The following VPS13D variants were observed in gnomAD, a reference collection of about 807,000 sequenced individuals.
VPS13D encodes intermembrane lipid transfer protein VPS13D.
Under a neutral mutation model 461.9 loss-of-function variants are expected in VPS13D, and 187 were observed. That is an observed-to-expected ratio of 0.40 (90% CI 0.36 to 0.46). The LOEUF (loss-of-function observed/expected upper bound fraction) is 0.46, where lower values mean the gene tolerates loss of function less well. Ranked by LOEUF, VPS13D falls within the 20% of genes least tolerant of loss-of-function variation. The pLI is 0.60. For missense variants in VPS13D, 4,711 were observed against 5,364.9 expected (o/e 0.88, Z 3.81); for synonymous variants, 1,951 against 1,986.3 (o/e 0.98, Z 0.47).
rs761614552 is a variant in VPS13D at position 12,373,821 on chromosome 1, T to C, written c.10880T>C (p.Val3627Ala). ...ACCTGTGCGGAGCTCGTTTTGGATG[T>C]CTCACCCAAGACACAAAGAGTCATT... ...AITCAELVLD[V>A]SPKTQRVILK... Residue 3627 changes from valine (V) to alanine (A), a missense_variant, in exon 55 of 70, where the codon GTC becomes GCC. This residue lies in a region of VPS13D where 4,411 missense variants were observed against 4,937.8 expected (regional missense o/e 0.89). Transcript: ENST00000620676. 1 of 1,607,072 alleles carries C rather than the reference T, an allele frequency of 6.2e-7. No individual in the cohort carries two copies. Among genetic ancestry groups the C allele is most frequent in the Non-Finnish European group, 8.5e-7 (1 of 1,176,594 alleles).
chr1:12,255,506 G>GT (rs1258725794), intron 7 of VPS13D, among the ~76,000 whole-genome samples: 1 of 152,116 alleles, frequency 6.6e-6, no homozygotes, highest in Non-Finnish European at 1.5e-5. Flanking sequence ...CTCTGAGGAG[G>GT]TAAGTGGGTG....
intron 1 of VPS13D, among the ~76,000 whole-genome samples, chr1:12,230,773 A>G (rs1168980384): frequency 1.3e-5 from 2 of 149,622 alleles, no homozygotes; most frequent in Non-Finnish European, 3.0e-5. Context: ...ACCTCTCTTT[A>G]CCTTTTACCC....
At chr1:12,498,370 T>C (rs1462582222) in intron 68 of VPS13D, among the ~76,000 whole-genome samples, 1 of 152,154 alleles carries the variant, frequency 6.6e-6, no homozygotes, top group Non-Finnish European at 1.5e-5. Context: ...TGGGTGTTTT[T>C]CGGTGGGTGG....
intron 26 of VPS13D, among the ~76,000 whole-genome samples, chr1:12,308,175 T>C (rs1227840186): frequency 6.6e-6 from 1 of 152,122 alleles, no homozygotes. Flanking sequence ...ACCGTAGAAC[T>C]GTGACGCGGT....
chr1:12,477,256 G>A (rs1005075435), intron 67 of VPS13D, among the ~76,000 whole-genome samples: 3 of 146,438 alleles, frequency 2.0e-5, no homozygotes, highest in African/African-American at 8.1e-5. Flanking sequence ...TTTGGTTTTG[G>A]ATTTTTTCTC....
intron 67 of VPS13D, chr1:12,479,008 C>T: frequency 2.4e-6 from 1 of 411,646 alleles, no homozygotes; most frequent in South Asian, 1.7e-5. Context: ...TAAAACAGAG[C>T]AGGTGGAAGG....
chr1:12,501,391 C>T (rs532648175), intron 68 of VPS13D, among the ~76,000 whole-genome samples: 1 of 152,332 alleles, frequency 6.6e-6, no homozygotes, highest in African/African-American at 2.4e-5. Flanking sequence ...ACTGTTGACA[C>T]TTACAGAATT....
In VPS13D at chr1:12,273,051, G is replaced by A; in HGVS notation, c.2152G>A (p.Val718Met). ...TVRLDISAPQ[V>M]IFPDDFKFKN... The stretch of plus-strand genomic sequence containing the variant: ...GCGGCTGGATATTTCTGCCCCTCAG[G>A]TGATATTTCCTGATGATTTCAAATT... Residue 718 changes from valine (V) to methionine (M), a missense_variant, in exon 18 of 70, where the codon GTG becomes ATG. Physicochemically the swap from Val to Met is conservative, Grantham distance 21. This residue lies in a region of VPS13D where 4,411 missense variants were observed against 4,937.8 expected (regional missense o/e 0.89). Transcript: ENST00000620676. The A allele has an allele frequency of 3.1e-6, 5 of 1,614,070 alleles. No individual in the cohort carries two copies. Among genetic ancestry groups the A allele is most frequent in the Non-Finnish European group, 4.2e-6 (5 of 1,179,992 alleles).
At chr1:12,406,508 G>C (rs1030543683) in intron 63 of VPS13D, among the ~76,000 whole-genome samples, 1 of 152,166 alleles carries the variant, frequency 6.6e-6, no homozygotes, top group Non-Finnish European at 1.5e-5. Flanking sequence ...AAATCTCAGA[G>C]GGAAGTCTCT....
intron 67 of VPS13D, among the ~76,000 whole-genome samples, chr1:12,485,982 A>G (rs1645791972): frequency 6.6e-6 from 1 of 151,978 alleles, no homozygotes; most frequent in African/African-American, 2.4e-5. Context: ...GCACCATTGA[A>G]CCCAGTCCCC....
intron 67 of VPS13D, chr1:12,465,126 C>G (rs1313111439): frequency 2.0e-5 from 3 of 152,192 alleles, no homozygotes; most frequent in Non-Finnish European, 4.4e-5. Flanking sequence ...CCGGGAGCAG[C>G]CATTTCACAA....
chr1:12,236,048 T>G (rs1019579863), intron 2 of VPS13D, among the ~76,000 whole-genome samples: 4 of 152,252 alleles, frequency 2.6e-5, no homozygotes, highest in Non-Finnish European at 5.9e-5. Context: ...GAATGTATCT[T>G]GTAACAACTG....
Position 12,327,744 on chromosome 1 carries a change from T to C in VPS13D, c.8087T>C (p.Val2696Ala). The C allele has an allele frequency of 3.1e-6, 5 of 1,614,174 alleles. No homozygotes were observed. Among genetic ancestry groups the C allele is most frequent in the Non-Finnish European group, 4.2e-6 (5 of 1,180,014 alleles). ...ASTSRDSPGA[V>A]AAPLISGVEI... ...ACCAGCCGAGATAGCCCAGGGGCTGTGGCAGCGCCATTGATCTCTGGCGTG... is the reference window on the plus strand; with the variant it reads ...ACCAGCCGAGATAGCCCAGGGGCTGCGGCAGCGCCATTGATCTCTGGCGTG... The change falls in exon 36 of 70, where the codon GTG (valine) becomes GCG (alanine). Residue 2696 changes from valine to alanine, a missense_variant. Transcript: ENST00000620676.
Position 12,368,594 on chromosome 1 carries a change from A to T in VPS13D, c.10572+3A>T. The T allele has an allele frequency of 1.9e-6, 3 of 1,611,628 alleles. No homozygotes were observed. Among genetic ancestry groups the T allele is most frequent in the Non-Finnish European group, 2.5e-6 (3 of 1,178,698 alleles). On this transcript the variant is annotated splice_donor_region_variant and intron_variant, in intron 53 of 69. Coordinates refer to ENST00000620676, the MANE Select transcript of VPS13D (RefSeq NM_015378.4). ...TCCGAATTGACAACTTTTCTAAGGT[A>T]TCAAGTGGAGCTGAGAGCCAGTTTG...
At position 12,457,572 on chromosome 1, in the gene VPS13D, T is replaced by C. The variant is rs368923624; in HGVS notation, c.12466+1442T>C. ...AATTAAACTCTTTGTACCAGATCCT[T>C]AGGAACCATCCAAAGCTATCAGAGT... On this transcript the variant is annotated intron_variant, in intron 66 of 69. Coordinates refer to ENST00000620676, the MANE Select transcript of VPS13D (RefSeq NM_015378.4). 1.7e-3 allele frequency among the ~76,000 whole-genome samples: 253 copies of C among 152,328 alleles called. 4 individuals are homozygous for C. Among genetic ancestry groups the C allele is most frequent in the African/African-American group, 5.9e-3 (245 of 41,558 alleles).
intron 27 of VPS13D, among the ~76,000 whole-genome samples, chr1:12,310,500 C>G (rs959156423): frequency 1.1e-4 from 16 of 152,158 alleles, no homozygotes; most frequent in African/African-American, 3.1e-4. Flanking sequence ...GCCCCTCCCC[C>G]TCTTCAACTT....
At chr1:12,466,199 G>C (rs1645481307) in intron 67 of VPS13D, among the ~76,000 whole-genome samples, 1 of 151,634 alleles carries the variant, frequency 6.6e-6, no homozygotes, top group African/African-American at 2.4e-5. Flanking sequence ...TTTCATCCTA[G>C]CTGGGTAATA....
intron 65 of VPS13D, among the ~76,000 whole-genome samples, chr1:12,446,594 G>A (rs567471477): frequency 2.0e-5 from 3 of 151,942 alleles, no homozygotes; most frequent in Admixed American, 1.3e-4. Flanking sequence ...CCCTATATTT[G>A]TATCTCCATA....
At chr1:12,347,341 G>T (rs1298035501) in intron 44 of VPS13D, among the ~76,000 whole-genome samples, 1 of 151,940 alleles carries the variant, frequency 6.6e-6, no homozygotes, top group Non-Finnish European at 1.5e-5. Flanking sequence ...CGGCTAATTT[G>T]TTGTATTTTT....
Sources: allele counts gnomAD v4.1 joint callset (sites outside exome capture counted in the v4.1 genomes callset), GRCh38; gene constraint gnomAD v4.1.1; regional missense constraint gnomAD v4.1.1; transcripts MANE v1.5; gene names NCBI Gene and HGNC (gene_info 2026-07-23, HGNC 2026-07-21).